The following TMEM260 variants were observed in gnomAD, a reference collection of about 807,000 sequenced individuals.
TMEM260 encodes transmembrane protein 260.
Under a neutral mutation model 88.9 loss-of-function variants are expected in TMEM260, and 82 were observed. That is an observed-to-expected ratio of 0.92 (90% CI 0.77 to 1.11). The LOEUF (loss-of-function observed/expected upper bound fraction) is 1.11, where lower values mean the gene tolerates loss of function less well. Ranked by LOEUF, TMEM260 falls within the 50% of genes least tolerant of loss-of-function variation. The probability of loss-of-function intolerance (pLI) is 0.00; values close to 1 mark genes in which losing one functional copy is unlikely to be tolerated. For missense variants in TMEM260, 902 were observed against 853.4 expected (o/e 1.06, Z -0.71); for synonymous variants, 314 against 309.3 (o/e 1.02, Z -0.16).
At chr14:56,595,969 C>T (rs1318601938) in intron 3 of TMEM260, among the ~76,000 whole-genome samples, 2 of 151,984 alleles carry the variant, frequency 1.3e-5, no homozygotes, top group Non-Finnish European at 2.9e-5. Context: ...TCTATCCATA[C>T]AAACATCATT....
intron 3 of TMEM260, among the ~76,000 whole-genome samples, chr14:56,597,926 AT>A (rs1886346945): frequency 1.3e-5 from 2 of 152,210 alleles, no homozygotes; most frequent in African/African-American, 4.8e-5. Context: ...GTAGGAAATC[AT>A]TTTTAGAAAA....
intron 3 of TMEM260, among the ~76,000 whole-genome samples, chr14:56,598,991 C>T (rs765273959): frequency 6.6e-6 from 1 of 152,210 alleles, no homozygotes; most frequent in Non-Finnish European, 1.5e-5. Context: ...CTTAACTGGC[C>T]TGTTCCATCC....
intron 3 of TMEM260, among the ~76,000 whole-genome samples, chr14:56,594,172 T>C (rs557246935): frequency 6.6e-6 from 1 of 152,362 alleles, no homozygotes; most frequent in South Asian, 2.1e-4. Flanking sequence ...GTTTAGGCTT[T>C]GTAAGAATTA....
chr14:56,651,048 C>G (rs569873924), downstream of TMEM260, among the ~76,000 whole-genome samples: 2 of 152,286 alleles, frequency 1.3e-5, no homozygotes, highest in South Asian at 4.1e-4. Context: ...CAAAACCATT[C>G]TAATGCTGAT....
chr14:56,600,646 A>C (rs1332947522), intron 3 of TMEM260, among the ~76,000 whole-genome samples: 2 of 152,190 alleles, frequency 1.3e-5, no homozygotes, highest in Non-Finnish European at 2.9e-5. Flanking sequence ...CTTCACACTG[A>C]CTAGGATGGC....
chr14:56,658,475 G>T, the TMEM260 span, among the ~76,000 whole-genome samples: 1 of 151,830 alleles, frequency 6.6e-6, no homozygotes, highest in South Asian at 2.1e-4. Context: ...TCAAACTCCT[G>T]ACCACTCGCC....
At chr14:56,661,756 T>C in the TMEM260 span, among the ~76,000 whole-genome samples, 3 of 152,182 alleles carry the variant, frequency 2.0e-5, no homozygotes, top group African/African-American at 7.2e-5. Context: ...TATGTTCTAT[T>C]GCAGATTTTG....
At chr14:56,603,772 C>T (rs1230175881) in intron 3 of TMEM260, 43 bp from the exon 4 acceptor site, 1 of 1,610,918 alleles carries the variant, frequency 6.2e-7, no homozygotes, top group Admixed American at 1.7e-5. Flanking sequence ...AAAGTTAGTT[C>T]TTTTTGTTGG....
At position 56,633,144 on chromosome 14, in the gene TMEM260, T is replaced by A. The variant is rs1337745829; in HGVS notation, c.1697T>A (p.Ile566Asn). The A allele has an allele frequency of 1.7e-5, 28 of 1,612,802 alleles. No individual in the cohort carries two copies. Among genetic ancestry groups the A allele is most frequent in the Non-Finnish European group, 2.4e-5 (28 of 1,179,406 alleles). ...PEEWIKLTKS[I>N]YNWTEEYGRF... ...GAATGGATTAAACTTACAAAAAGTA[T>A]CTATAACTGGACCGAAGAATATGGA... is the stretch of plus-strand genomic sequence containing the variant. Residue 566 changes from isoleucine to asparagine, a missense_variant, in exon 13 of 16, where the codon ATC becomes AAC. Physicochemically the swap from Ile to Asn is moderately radical, Grantham distance 149. Transcript: ENST00000261556.
In TMEM260 at chr14:56,625,452, G is replaced by A. The variant is rs961346366; in HGVS notation, c.1469G>A (p.Arg490Gln). ...HLPGVNFPGN[R>Q]WNPVEGILPS... ...CCAGGTGTCAACTTTCCTGGGAACC[G>A]GTGGAATCCTGTGGAAGGAATATTA... is the stretch of plus-strand genomic sequence containing the variant. The change falls in exon 12 of 16, where the codon CGG becomes CAG. Residue 490 changes from arginine to glutamine, a missense_variant. Transcript: ENST00000261556. The A allele has an allele frequency of 9.3e-6, 15 of 1,613,476 alleles. No homozygotes were observed. The highest frequency in any genetic ancestry group is 3.3e-4 in the Middle Eastern group (2 of 6,084).
chr14:56,651,399 T>G (rs1191686464), downstream of TMEM260, among the ~76,000 whole-genome samples: 1 of 152,150 alleles, frequency 6.6e-6, no homozygotes, highest in Non-Finnish European at 1.5e-5. Context: ...CTAGAAAGAT[T>G]AGCTCATGCC....
the TMEM260 span, among the ~76,000 whole-genome samples, chr14:56,660,529 A>C: frequency 1.3e-5 from 2 of 152,218 alleles, no homozygotes; most frequent in South Asian, 4.1e-4. Flanking sequence ...GGATTGTATT[A>C]ACTTTACAGA....
In TMEM260 at chr14:56,618,746, A is replaced by G. The variant is rs772394630; in HGVS notation, c.1209A>G (p.Gln403=). The G allele has an allele frequency of 2.5e-6, 4 of 1,614,090 alleles. No individual in the cohort carries two copies. The highest frequency in any genetic ancestry group is 3.4e-6 in the Non-Finnish European group (4 of 1,179,988). The change falls in exon 10 of 16, where the codon CAA becomes CAG. Residue 403 remains glutamine (Q), a synonymous_variant. Coordinates refer to ENST00000261556, the MANE Select transcript of TMEM260 (RefSeq NM_017799.4). ...CTGCAACTCTTTTTGTAGTTTACCA[A>G]ATATATTCTAATTACAGGTAATACA... ...WLSATLFVVY[Q]IYSNYSVCDQ...
In TMEM260 at chr14:56,647,452, C is replaced by T. The variant is rs772586414; in HGVS notation, c.2079C>T (p.His693=). The T allele has an allele frequency of 1.2e-6, 2 of 1,612,074 alleles. No homozygotes were observed. The highest frequency in any genetic ancestry group is 1.7e-6 in the Non-Finnish European group (2 of 1,179,584). ...QQADILGALK[H]LRKELQSLRN... is the part of the protein sequence containing the mutation. The stretch of plus-strand genomic sequence containing the variant: ...CTGATATTTTAGGTGCTCTAAAGCA[C>T]CTAAGAAAAGAACTGCAAAGTCTGA... Residue 693 remains histidine, a synonymous_variant, in exon 16 of 16, where the codon CAC becomes CAT. Transcript: ENST00000261556.
chr14:56,627,266 G>A (rs1334929197), intron 12 of TMEM260, among the ~76,000 whole-genome samples: 1 of 151,978 alleles, frequency 6.6e-6, no homozygotes, highest in East Asian at 1.9e-4. Flanking sequence ...GCTTGTTACA[G>A]AATGAGAAAT....
chr14:56,646,599 C>T (rs1889983219), intron 15 of TMEM260, among the ~76,000 whole-genome samples: 1 of 152,108 alleles, frequency 6.6e-6, no homozygotes, highest in Non-Finnish European at 1.5e-5. Flanking sequence ...TTCTAAATTC[C>T]TATGGGCAAA....
chr14:56,590,093 A>T (rs1209701891), intron 3 of TMEM260, among the ~76,000 whole-genome samples: 1 of 152,210 alleles, frequency 6.6e-6, no homozygotes, highest in African/African-American at 2.4e-5. Context: ...ATTCAGGAGA[A>T]TATCTGTCTT....
At chr14:56,653,747 A>C (rs1396107948), downstream of TMEM260, among the ~76,000 whole-genome samples, 1 of 146,714 alleles carries the variant, frequency 6.8e-6, no homozygotes, top group East Asian at 1.9e-4. Context: ...AAAACAAAAA[A>C]AAAAAAAACA....
In TMEM260 at chr14:56,595,304, A is replaced by T. The variant is rs75571410; in HGVS notation, c.345-8511A>T. Among the ~76,000 whole-genome samples, 113 of 152,160 alleles carry T rather than the reference A, an allele frequency of 7.4e-4. No homozygotes were observed. The East Asian group carries it at 0.014, about 19-fold the overall frequency. On this transcript the variant is annotated intron_variant, in intron 3 of 15. Coordinates refer to ENST00000261556, the MANE Select transcript of TMEM260 (RefSeq NM_017799.4). ...CGTTCAACTTTTTTTTTCTAGCTCCAATATGTAGTGTCTTATTGATATGGA... is the reference window on the plus strand; with the variant it reads ...CGTTCAACTTTTTTTTTCTAGCTCCTATATGTAGTGTCTTATTGATATGGA...
Sources: allele counts gnomAD v4.1 joint callset (sites outside exome capture counted in the v4.1 genomes callset), GRCh38; gene constraint gnomAD v4.1.1; transcripts MANE v1.5; gene names NCBI Gene and HGNC (gene_info 2026-07-23, HGNC 2026-07-21).